SPNS3: variants seen among roughly 807,000 people sequenced by gnomAD.
The protein encoded by SPNS3 is protein spinster homolog 3.
In SPNS3, 51 loss-of-function variants were observed where a neutral mutation model predicts 54.4. The ratio of observed to expected loss-of-function variants is 0.94; its 90% CI spans 0.75 to 1.18. SPNS3 has a LOEUF of 1.18. SPNS3 is among the 50% of genes most tolerant of loss of function. The pLI is 0.00. For missense variants in SPNS3, 669 were observed against 677.4 expected (o/e 0.99, Z 0.14); for synonymous variants, 309 against 294.7 (o/e 1.05, Z -0.50).
chr17:4,481,528 C>T (rs117863021), intron 9 of SPNS3, among the ~76,000 whole-genome samples: 1,644 of 152,068 alleles, frequency 0.011, 14 homozygotes, highest in South Asian at 0.029. Flanking sequence ...AAGAAAGCCA[C>T]GAGGAGCTGA....
chr17:4,478,794 A>G lies in SPNS3; in HGVS notation c.1179+157A>G, dbSNP rs540761962. On this transcript the variant is annotated intron_variant, in intron 9 of 11. Coordinates refer to ENST00000355530, the MANE Select transcript of SPNS3 (RefSeq NM_182538.5). Reference sequence around the variant, plus strand: ...ATCTTGGACCAGAGGCCTCTCTGACACTCTCAAACATCTCTGACCATCATC... The same window carrying G: ...ATCTTGGACCAGAGGCCTCTCTGACGCTCTCAAACATCTCTGACCATCATC... 1.5e-4 allele frequency among the ~76,000 whole-genome samples: 23 copies of G among 152,176 alleles called. 1 individual carries two copies. In the South Asian group the frequency reaches 4.6e-3, roughly 30 times the overall value.
In SPNS3 at chr17:4,446,212, C is replaced by T. The variant is rs554589121; in HGVS notation, c.554+13C>T. 6.4e-5 allele frequency: 103 copies of T among 1,602,548 alleles called. No individual in the cohort carries two copies. The Middle Eastern group carries it at 1.7e-3, about 26-fold the overall frequency. On this transcript the variant is annotated intron_variant, in intron 4 of 11. Transcript: ENST00000355530. The stretch of plus-strand genomic sequence containing the variant: ...TCCCCGTTGGAAGGTTGGTATCACC[C>T]GTGGGTCTACTTCCCCAGGTGGTAA...
At chr17:4,450,251 C>A (rs915811396) in intron 7 of SPNS3, among the ~76,000 whole-genome samples, 4 of 151,602 alleles carry the variant, frequency 2.6e-5, no homozygotes, top group Admixed American at 2.0e-4. Flanking sequence ...TTCCCTCCTC[C>A]TCCTCCTTCC....
intron 8 of SPNS3, among the ~76,000 whole-genome samples, chr17:4,462,135 ATCC>A (rs1971524616): frequency 2.2e-3 from 1 of 464 alleles, no homozygotes; most frequent in African/African-American, 0.013. Flanking sequence ...CCATCCATCC[ATCC>A]ATCCATCCAT....
At chr17:4,472,900 C>T (rs115091281) in intron 8 of SPNS3, among the ~76,000 whole-genome samples, 3,732 of 149,246 alleles carry the variant, frequency 0.025, 152 homozygotes, top group African/African-American at 0.087. Context: ...GGGATCCTCC[C>T]CCTTCAGCCT....
chr17:4,445,924 T>TC, intron 3 of SPNS3, 124 bp from the exon 4 acceptor site: 1 of 1,149,138 alleles, frequency 8.7e-7, no homozygotes, highest in South Asian at 1.7e-5. Context: ...GTAGCCCCGA[T>TC]CCCCTCTCCC....
At chr17:4,474,896 G>A (rs959887460) in intron 8 of SPNS3, among the ~76,000 whole-genome samples, 6 of 152,196 alleles carry the variant, frequency 3.9e-5, no homozygotes, top group African/African-American at 7.2e-5. Context: ...GCATATGTAC[G>A]TAGTTGTGGC....
rs1024835065 is a variant in SPNS3, at chr17:4,486,707, C to T, written c.1450+124C>T. The T allele has an allele frequency of 9.8e-7, 1 of 1,021,940 alleles. No individual in the cohort carries two copies. Among genetic ancestry groups the T allele is most frequent in the Non-Finnish European group, 1.4e-6 (1 of 721,914 alleles). 63.3% of individuals were successfully genotyped at this position (1,021,940 alleles called of 1,614,324 possible). A position where few individuals can be genotyped will look rare whatever the true frequency, so the allele number is the denominator to read the frequency against. On this transcript the variant is annotated intron_variant, in intron 11 of 11. Transcript: ENST00000355530. The surrounding 1 kb of genome is among the most constrained non-coding windows in gnomAD (Gnocchi z 5.5). ...TCATCCAGAAATGCTTAGTACACCCCTGCTATGTACCAGGGAAGGTTGCAG... is the reference window on the plus strand; with the variant it reads ...TCATCCAGAAATGCTTAGTACACCCTTGCTATGTACCAGGGAAGGTTGCAG...
At chr17:4,442,018 T>TGTGTGTGTGTGTGTGTGTGTG (rs1555528914) in intron 2 of SPNS3, among the ~76,000 whole-genome samples, 1 of 42,242 alleles carries the variant, frequency 2.4e-5, no homozygotes, top group Admixed American at 2.4e-4. Flanking sequence ...GTGTGTGTGT[T>TGTGTGTGTGTGTGTGTGTGTG]TGGCAGTAGG....
chr17:4,448,230 G>A lies in SPNS3; in HGVS notation c.697G>A (p.Glu233Lys), dbSNP rs901247903. The change falls in exon 6 of 12, where the codon GAG (glutamate) becomes AAG (lysine). Residue 233 changes from glutamate to lysine, a missense_variant. By Grantham distance (56) the Glu-to-Lys change is moderately conservative. Coordinates refer to ENST00000355530, the MANE Select transcript of SPNS3 (RefSeq NM_182538.5). ...TCCAGACCCACCCCGGGGAGCTGCC[G>A]AGACACAGGGGGAGGGGGCCGTGGG... ...LVPDPPRGAA[E>K]TQGEGAVGGF... is the part of the protein sequence containing the mutation. 20 of 1,602,444 alleles carry A rather than the reference G, an allele frequency of 1.2e-5. No homozygotes were observed. Among genetic ancestry groups the A allele is most frequent in the African/African-American group, 2.7e-5 (2 of 74,442 alleles).
At chr17:4,439,835 A>T in intron 2 of SPNS3, 112 bp downstream of exon 2, 4 of 980,986 alleles carry the variant, frequency 4.1e-6, no homozygotes, top group African/African-American at 3.2e-5. Flanking sequence ...CCCCTGGCAC[A>T]GAGGGTGGGT....
chr17:4,454,641 G>C (rs900859184), intron 8 of SPNS3, among the ~76,000 whole-genome samples: 2 of 115,502 alleles, frequency 1.7e-5, no homozygotes, highest in African/African-American at 7.1e-5. Flanking sequence ...TTTTGAGACA[G>C]AGTCTTGCTC....
At chr17:4,451,842 T>G (rs1971174289) in intron 7 of SPNS3, among the ~76,000 whole-genome samples, 3 of 133,176 alleles carry the variant, frequency 2.3e-5, no homozygotes, top group Admixed American at 7.5e-5. Flanking sequence ...CTAATTTTTG[T>G]ATTTTTTTTT....
At chr17:4,449,613 G>T (rs1971105690) in intron 7 of SPNS3, among the ~76,000 whole-genome samples, 1 of 149,120 alleles carries the variant, frequency 6.7e-6, no homozygotes, top group Non-Finnish European at 1.5e-5. Context: ...TCCTCTCTGG[G>T]CTGAATTCCC....
At chr17:4,478,965 A>G (rs86946) in intron 9 of SPNS3, among the ~76,000 whole-genome samples, 26,182 of 151,732 alleles carry the variant, frequency 0.17, 2,530 homozygotes, top group African/African-American at 0.26. Context: ...TTTTTGAGAC[A>G]GAGTTTCACT....
At position 4,463,712 on chromosome 17, in the gene SPNS3, C is replaced by T. The variant is rs74599422; in HGVS notation, c.1113+10507C>T. 7.3e-3 allele frequency among the ~76,000 whole-genome samples: 1,070 copies of T among 147,492 alleles called. 12 individuals carry two copies. The highest frequency in any genetic ancestry group is 0.026 in the African/African-American group (1,022 of 39,936). ...CGAAATCGTGCCACTGCACTCCAGC[C>T]GGGCAACAGAGTGAGACTCCATCTC... On this transcript the variant is annotated intron_variant, in intron 8 of 11. Coordinates refer to ENST00000355530, the MANE Select transcript of SPNS3 (RefSeq NM_182538.5).
At chr17:4,482,037 C>A (rs34071805) in intron 9 of SPNS3, 26,756 of 152,148 alleles carry the variant, frequency 0.18, 2,747 homozygotes, top group Middle Eastern at 0.27. Context: ...TACAGGCATG[C>A]GCCACCACGC....
In SPNS3 at chr17:4,460,732, G is replaced by T. The variant is rs542934735; in HGVS notation, c.1113+7527G>T. Among the ~76,000 whole-genome samples, 32 of 151,882 alleles carry T rather than the reference G, an allele frequency of 2.1e-4. No homozygotes were observed. In the South Asian group the frequency reaches 5.2e-3, roughly 25 times the overall value. On this transcript the variant is annotated intron_variant, in intron 8 of 11. Transcript: ENST00000355530. ...GCTGGGATTACAGGTGTGAGCCACC[G>T]TGCCTGGCTGAATTGCTGGATTTGA... is the stretch of plus-strand genomic sequence containing the variant.
At chr17:4,434,290 C>G in intron 1 of SPNS3, 124 bp downstream of exon 1, 1 of 945,722 alleles carries the variant, frequency 1.1e-6, no homozygotes. Flanking sequence ...CTCTGGTGTT[C>G]TCACCTCTAG....
Sources: gnomAD v4.1 joint callset for allele counts (sites outside exome capture counted in the v4.1 genomes callset) on GRCh38, gnomAD v4.1.1 for gene constraint, Gnocchi (gnomAD v3.1) non-coding constraint, MANE v1.5 for transcripts, NCBI Gene and HGNC (gene_info 2026-07-23, HGNC 2026-07-21) for gene names.